RPS6KA1: variants seen among roughly 807,000 people sequenced by gnomAD.
RPS6KA1 encodes ribosomal protein S6 kinase alpha-1.
In RPS6KA1, 48 loss-of-function variants were observed where a neutral mutation model predicts 91.3. The observed-to-expected ratio is 0.53, with a 90% CI of 0.42 to 0.67. The LOEUF is 0.67. Ranked by LOEUF, RPS6KA1 falls within the 30% of genes least tolerant of loss-of-function variation. The probability of loss-of-function intolerance (pLI) is 0.00; values close to 1 mark genes in which losing one functional copy is unlikely to be tolerated. For missense variants in RPS6KA1, 719 were observed against 960.5 expected, an observed-to-expected ratio of 0.75 and a Z score of 3.32; for synonymous variants, 359 against 384.7, an observed-to-expected ratio of 0.93 and a Z score of 0.78.
rs1207360542 is a variant in RPS6KA1, at chr1:26,553,459, C to T, written c.537C>T (p.His179=). 7 of 1,612,866 alleles carry T rather than the reference C, an allele frequency of 4.3e-6. No homozygotes were observed. In the East Asian group the frequency reaches 1.1e-4, roughly 26 times the overall value. The change falls in exon 7 of 22, where the codon CAC becomes CAT. Residue 179 remains histidine, a synonymous_variant. Transcript: ENST00000374168. ...TGGCTCTGGGCCTGGATCACCTGCACAGCCTGGGTATCATTTACAGAGACC... is the reference window on the plus strand; with the variant it reads ...TGGCTCTGGGCCTGGATCACCTGCATAGCCTGGGTATCATTTACAGAGACC... The part of the protein sequence containing the change: ...AELALGLDHL[H]SLGIIYRDLK...
rs1385761210 is a variant in RPS6KA1 at position 26,573,266 on chromosome 1, C to T, written c.1990C>T (p.Leu664Phe). ...KMLHVDPHQRLTAKQVLQHPW... is the reference protein window; with the variant it reads ...KMLHVDPHQRFTAKQVLQHPW... ...GCTACACGTGGATCCCCACCAGCGC[C>T]TCACAGCTAAGCAGGTTCTGCAGCA... Residue 664 changes from leucine to phenylalanine, a missense_variant, in exon 21 of 22, where the codon CTC becomes TTC. Physicochemically the swap from Leu to Phe is conservative, Grantham distance 22 (BLOSUM62 0). Coordinates refer to ENST00000374168, the MANE Select transcript of RPS6KA1 (RefSeq NM_002953.4). 1.5e-5 allele frequency: 25 copies of T among 1,614,094 alleles called. No homozygotes were observed. Among genetic ancestry groups the T allele is most frequent in the East Asian group, 2.2e-5 (1 of 44,898 alleles).
intron 14 of RPS6KA1, among the ~76,000 whole-genome samples, chr1:26,560,179 G>C: frequency 6.6e-6 from 1 of 152,364 alleles, no homozygotes; most frequent in South Asian, 2.1e-4. Context: ...GACCGCATGC[G>C]CAAGCCAGGG....
At chr1:26,557,394 T>A (rs2076112399) in intron 13 of RPS6KA1, among the ~76,000 whole-genome samples, 1 of 152,044 alleles carries the variant, frequency 6.6e-6, no homozygotes, top group Non-Finnish European at 1.5e-5. Flanking sequence ...CGGGGCACCT[T>A]CCAGCCCACT....
intron 17 of RPS6KA1, among the ~76,000 whole-genome samples, chr1:26,562,895 G>A (rs1222088028): frequency 7.3e-6 from 1 of 136,242 alleles, no homozygotes; most frequent in African/African-American, 2.8e-5. Context: ...GGAGTGCAGT[G>A]GCACGATCTT....
chr1:26,560,869 G>C lies in RPS6KA1; in HGVS notation c.1341+18G>C, dbSNP rs374634337. ...CTGTCAAGGTGGGCCTCCTGACCAC[G>C]TCTCGGCCAAGGCTGCTGGGTTGGG... On this transcript the variant is annotated intron_variant, in intron 15 of 21. Transcript: ENST00000374168. 1.6e-5 allele frequency: 26 copies of C among 1,613,954 alleles called. No individual in the cohort carries two copies. The South Asian group carries it at 2.5e-4, about 16-fold the overall frequency.
chr1:26,557,976 G>A (rs1314312622), intron 13 of RPS6KA1, among the ~76,000 whole-genome samples: 1 of 151,898 alleles, frequency 6.6e-6, no homozygotes, highest in Non-Finnish European at 1.5e-5. Context: ...TTACAGGCAT[G>A]TGTCAGCACG....
intron 17 of RPS6KA1, among the ~76,000 whole-genome samples, chr1:26,562,825 C>CTTTTTTTTTTTTTTTTTTTTTT (rs748764001): frequency 6.1e-5 from 5 of 81,430 alleles, no homozygotes; most frequent in African/African-American, 2.5e-4. Flanking sequence ...TCCTATTGTC[C>CTTTTTTTTTTTTTTTTTTTTTT]TTTTTTTTTT....
chr1:26,550,189 T>TTC (rs1390483093), intron 4 of RPS6KA1, among the ~76,000 whole-genome samples: 1 of 147,866 alleles, frequency 6.8e-6, no homozygotes, highest in East Asian at 2.0e-4. Context: ...AATTTTTTTT[T>TTC]TTTTTTTTTT....
rs2075940489 is a variant in RPS6KA1, at chr1:26,540,686, C to T, written c.108+3717C>T. ...GACCTCCTAGGCTCAAGTGATCCTCCTACCTCAGCTACCGGAGTAGCTGGG... is the reference window on the plus strand; with the variant it reads ...GACCTCCTAGGCTCAAGTGATCCTCTTACCTCAGCTACCGGAGTAGCTGGG... On this transcript the variant is annotated intron_variant, in intron 2 of 21. Coordinates refer to ENST00000374168, the MANE Select transcript of RPS6KA1 (RefSeq NM_002953.4). The surrounding 1 kb of genome is among the most constrained non-coding windows in gnomAD (Gnocchi z 4.2). Among the ~76,000 whole-genome samples, 1 of 152,244 alleles carries T rather than the reference C, an allele frequency of 6.6e-6. No individual in the cohort carries two copies. The highest frequency in any genetic ancestry group is 1.5e-5 in the Non-Finnish European group (1 of 68,032).
At chr1:26,569,829 C>T (rs949182339) in intron 17 of RPS6KA1, among the ~76,000 whole-genome samples, 12 of 152,152 alleles carry the variant, frequency 7.9e-5, no homozygotes, top group African/African-American at 2.9e-4. Flanking sequence ...ACCGAAGGAG[C>T]CCCTGGTGGC....
chr1:26,540,205 C>T lies in RPS6KA1; in HGVS notation c.108+3236C>T, dbSNP rs1360315908. On this transcript the variant is annotated intron_variant, in intron 2 of 21. Transcript: ENST00000374168. This position sits in a 1 kb window ranked among gnomAD's most constrained non-coding sequence, Gnocchi z 4.2. ...TTCCAACATCCCCTTGTCTCTGTGG[C>T]CCATTTTGCTTCTAGAAACAATCTG... 6.6e-6 allele frequency among the ~76,000 whole-genome samples: 1 copy of T among 152,168 alleles called. No individual in the cohort carries two copies. The highest frequency in any genetic ancestry group is 1.5e-5 in the Non-Finnish European group (1 of 68,028).
At chr1:26,544,991 G>C (rs1038835306) in intron 2 of RPS6KA1, among the ~76,000 whole-genome samples, 2 of 151,858 alleles carry the variant, frequency 1.3e-5, no homozygotes, top group Non-Finnish European at 2.9e-5. Flanking sequence ...GTCCACCTCT[G>C]TCTGTTAGAT....
chr1:26,532,416 G>C (rs1398165348), intron 1 of RPS6KA1, among the ~76,000 whole-genome samples: 1 of 152,180 alleles, frequency 6.6e-6, no homozygotes, highest in African/African-American at 2.4e-5. Flanking sequence ...GCCAGGATTG[G>C]AACCAAGATC....
chr1:26,566,212 A>G (rs935561786), intron 17 of RPS6KA1, among the ~76,000 whole-genome samples: 1 of 150,770 alleles, frequency 6.6e-6, no homozygotes, highest in Admixed American at 6.6e-5. Context: ...GTACTTGCCA[A>G]TGTTGGTATT....
Position 26,561,261 on chromosome 1 carries a change from T to G in RPS6KA1, c.1431+127T>G. On this transcript the variant is annotated intron_variant, in intron 16 of 21. Transcript: ENST00000374168. The surrounding 1 kb of genome is among the most constrained non-coding windows in gnomAD (Gnocchi z 5.7). ...GTCATGTGGAGGGGAAGGAGGTCCCTTGGTCCCTTCAGTCTGCCCATACCC... is the reference window on the plus strand; with the variant it reads ...GTCATGTGGAGGGGAAGGAGGTCCCGTGGTCCCTTCAGTCTGCCCATACCC... 4 of 1,006,094 alleles carry G rather than the reference T, an allele frequency of 4.0e-6. No individual in the cohort carries two copies. Among genetic ancestry groups the G allele is most frequent in the Non-Finnish European group, 6.0e-6 (4 of 669,496 alleles). 62.3% of individuals were successfully genotyped at this position (1,006,094 alleles called of 1,614,324 possible).
At position 26,558,946 on chromosome 1, in the gene RPS6KA1, G is replaced by C. The variant is rs2076130344; in HGVS notation, c.1215+9G>C. 1 of 1,605,138 alleles carries C rather than the reference G, an allele frequency of 6.2e-7. No homozygotes were observed. Among genetic ancestry groups the C allele is most frequent in the Admixed American group, 1.7e-5 (1 of 59,678 alleles). ...TGCACTCGGTGGTACAGGTGAGGGG[G>C]GCAGGGGGCTGCTGCTCCATTATCC... On this transcript the variant is annotated intron_variant, in intron 14 of 21. Transcript: ENST00000374168. The surrounding 1 kb of genome is among the most constrained non-coding windows in gnomAD (Gnocchi z 4.0).
At chr1:26,560,568 G>A (rs2124652453) in intron 14 of RPS6KA1, among the ~76,000 whole-genome samples, 158 bp from the exon 15 acceptor site, 1 of 152,272 alleles carries the variant, frequency 6.6e-6, no homozygotes, top group Admixed American at 6.5e-5. Flanking sequence ...GCCCAGAGAG[G>A]GGCAGGCTGT....
chr1:26,563,663 T>C (rs946618673), intron 17 of RPS6KA1, among the ~76,000 whole-genome samples: 21 of 152,372 alleles, frequency 1.4e-4, no homozygotes, highest in African/African-American at 4.6e-4. Context: ...CACCGACATA[T>C]TGTATATGAG....
chr1:26,546,899 G>C lies in RPS6KA1; in HGVS notation c.141G>C (p.Thr47=). Reference sequence around the variant, plus strand: ...GCGTCCTCAAGGAGATCTCCATCACGCACCACGTCAAGGCTGGCTCTGAGA... The same window carrying C: ...GCGTCCTCAAGGAGATCTCCATCACCCACCACGTCAAGGCTGGCTCTGAGA... The part of the protein sequence containing the change: ...DEGVLKEISI[T]HHVKAGSEKA... The change falls in exon 3 of 22, where the codon ACG becomes ACC. Residue 47 remains threonine, a synonymous_variant. Transcript: ENST00000374168. 1 of 1,614,068 alleles carries C rather than the reference G, an allele frequency of 6.2e-7. No individual in the cohort carries two copies. The highest frequency in any genetic ancestry group is 8.5e-7 in the Non-Finnish European group (1 of 1,180,004).
Sources: gnomAD v4.1 joint callset for allele counts (sites outside exome capture counted in the v4.1 genomes callset) on GRCh38, gnomAD v4.1.1 for gene constraint, Gnocchi (gnomAD v3.1) non-coding constraint, MANE v1.5 for transcripts, NCBI Gene and HGNC (gene_info 2026-07-23, HGNC 2026-07-21) for gene names.